Variants in POU6F1 observed in about 807,000 individuals in gnomAD.
The protein encoded by POU6F1 is POU class 6 homeobox 1.
Under a neutral mutation model 28.9 loss-of-function variants are expected in POU6F1, and 9 were observed. That is an observed-to-expected ratio of 0.31 (90% CI 0.19 to 0.54). The LOEUF (loss-of-function observed/expected upper bound fraction) is 0.54. POU6F1 is among the 20% of genes least tolerant of loss of function. POU6F1 has a pLI of 0.94. For synonymous variants in POU6F1, 173 were observed against 171.1 expected (o/e 1.01, Z -0.09); for missense variants, 338 against 426.1 (o/e 0.79, Z 1.82).
intron 10 of POU6F1, among the ~76,000 whole-genome samples, 194 bp downstream of exon 10, chr12:51,191,402 A>C (rs1243163897): frequency 6.6e-6 from 1 of 152,178 alleles, no homozygotes; most frequent in Non-Finnish European, 1.5e-5. Flanking sequence ...TCTTCAGAGG[A>C]CCTCAGAAGG....
At position 51,197,819 on chromosome 12, in the gene POU6F1, G is replaced by A. The variant is rs2137132154; in HGVS notation, c.797C>T (p.Pro266Leu). Residue 266 changes from proline to leucine, a missense_variant, in exon 6 of 11, where the codon CCC (proline) becomes CTC (leucine). This residue lies in a region of POU6F1 where 206 missense variants were observed against 225.6 expected (regional missense o/e 0.91). Coordinates refer to ENST00000333640, the MANE Select transcript of POU6F1 (RefSeq NM_001330422.2). ...TGCAGGCTGGACGGTGATCTGTGGG[G>A]GGGTGTCCACTGGCTTGGGGGTAGG... ...AAPTPKPVDT[P>L]PQITVQPAGF... is the part of the protein sequence containing the mutation. 2.5e-6 allele frequency: 1 copy of A among 401,280 alleles called. No homozygotes were observed. 24.9% of individuals were successfully genotyped at this position (401,280 alleles called of 1,614,324 possible). A position where few individuals can be genotyped will look rare whatever the true frequency, so the allele number is the denominator to read the frequency against.
chr12:51,194,684 C>G (rs1942693353), intron 8 of POU6F1, among the ~76,000 whole-genome samples: 1 of 151,170 alleles, frequency 6.6e-6, no homozygotes, highest in Non-Finnish European at 1.5e-5. Context: ...CATTTCCTTG[C>G]TAACGCCCTT....
rs1235944187 is a variant in POU6F1, at chr12:51,190,021, C to G, written c.*226G>C. On this transcript the variant is annotated 3_prime_UTR_variant, in exon 11 of 11. Transcript: ENST00000333640. The surrounding 1 kb of genome is among the most constrained non-coding windows in gnomAD (Gnocchi z 4.5). ...CACAAATCCTCTTCTTCGGAGTGAC[C>G]AGCCCAGAGCCTGGAGCTCTCGTGT... is the stretch of plus-strand genomic sequence containing the variant. 11 of 730,072 alleles carry G rather than the reference C, an allele frequency of 1.5e-5. No homozygotes were observed. The highest frequency in any genetic ancestry group is 2.1e-5 in the Non-Finnish European group (10 of 467,880). 45.2% of individuals were successfully genotyped at this position (730,072 alleles called of 1,614,324 possible). A position where few individuals can be genotyped will look rare whatever the true frequency, so the allele number is the denominator to read the frequency against.
intron 1 of POU6F1, among the ~76,000 whole-genome samples, chr12:51,208,364 A>G (rs1943765182): frequency 6.6e-6 from 1 of 152,184 alleles, no homozygotes; most frequent in Non-Finnish European, 1.5e-5. Context: ...TAAAGGAAAA[A>G]AAGCAATTGA....
Position 51,217,194 on chromosome 12 carries a change from G to C in POU6F1, c.-48+448C>G, listed in dbSNP as rs1015941433. ...GCCGCCCCAGCTGGCCCTAACCGCC[G>C]GGAACCCAGGCGTCCGTGTTCTCCA... On this transcript the variant is annotated intron_variant, in intron 1 of 10. Transcript: ENST00000333640. The surrounding 1 kb of genome is among the most constrained non-coding windows in gnomAD (Gnocchi z 5.3). Among the ~76,000 whole-genome samples the C allele has an allele frequency of 1.3e-5, 2 of 152,104 alleles. No individual in the cohort carries two copies. Among genetic ancestry groups the C allele is most frequent in the African/African-American group, 4.8e-5 (2 of 41,416 alleles).
chr12:51,214,976 A>G (rs899520179), intron 1 of POU6F1, among the ~76,000 whole-genome samples: 1 of 152,146 alleles, frequency 6.6e-6, no homozygotes, highest in Admixed American at 6.5e-5. Flanking sequence ...AAGAAAAAAA[A>G]AAGAAATGTG....
At chr12:51,194,342 T>A (rs1283385419) in intron 8 of POU6F1, among the ~76,000 whole-genome samples, 1 of 152,004 alleles carries the variant, frequency 6.6e-6, no homozygotes, top group Non-Finnish European at 1.5e-5. Flanking sequence ...CAGGGATTTT[T>A]AAAAAATGCA....
chr12:51,188,748 G>C lies in POU6F1; in HGVS notation c.*1499C>G, dbSNP rs574993994. The C allele has an allele frequency of 6.6e-6, 1 of 152,254 alleles. No homozygotes were observed. Among genetic ancestry groups the C allele is most frequent in the Non-Finnish European group, 1.5e-5 (1 of 68,070 alleles). 9.4% of individuals were successfully genotyped at this position (152,254 alleles called of 1,614,324 possible). A position where few individuals can be genotyped will look rare whatever the true frequency, so the allele number is the denominator to read the frequency against. On this transcript the variant is annotated 3_prime_UTR_variant, in exon 11 of 11. Coordinates refer to ENST00000333640, the MANE Select transcript of POU6F1 (RefSeq NM_001330422.2). ...CCTTCCCTCAGGGTGGATCATGGGA[G>C]GTCCACTGGAGGCAGCTGTTAGAGA...
At chr12:51,193,519 T>C (rs1042986329) in intron 8 of POU6F1, among the ~76,000 whole-genome samples, 1 of 151,960 alleles carries the variant, frequency 6.6e-6, no homozygotes, top group African/African-American at 2.4e-5. Flanking sequence ...GAGATTGCAG[T>C]AAGCCGAGAG....
rs147551365 is a variant in POU6F1 at position 51,195,776 on chromosome 12, G to A, written c.1179+194C>T. 7.7e-3 allele frequency among the ~76,000 whole-genome samples: 1,177 copies of A among 152,298 alleles called. 8 individuals carry two copies. Among genetic ancestry groups the A allele is most frequent in the Middle Eastern group, 0.02 (6 of 294 alleles). On this transcript the variant is annotated intron_variant, in intron 8 of 10. Transcript: ENST00000333640. ...TGGGTGCGTGTGAGTAGGGGGTCTC[G>A]TGGTGCTGTTTCCCTGGGCAGAACC...
chr12:51,189,666 G>T lies in POU6F1; in HGVS notation c.*581C>A, dbSNP rs896313424. On this transcript the variant is annotated 3_prime_UTR_variant, in exon 11 of 11. Coordinates refer to ENST00000333640, the MANE Select transcript of POU6F1 (RefSeq NM_001330422.2). ...ACCTTCTGACCTTGAGGTCAAGGCAGACATGGAGTCTGACCTTCTGAGCAG... is the reference window on the plus strand; with the variant it reads ...ACCTTCTGACCTTGAGGTCAAGGCATACATGGAGTCTGACCTTCTGAGCAG... 1 of 154,604 alleles carries T rather than the reference G, an allele frequency of 6.5e-6. No individual in the cohort carries two copies. The highest frequency in any genetic ancestry group is 2.4e-5 in the African/African-American group (1 of 41,478). 9.6% of individuals were successfully genotyped at this position (154,604 alleles called of 1,614,324 possible).
At chr12:51,209,601 AT>A (rs1312004974) in intron 1 of POU6F1, among the ~76,000 whole-genome samples, 5 of 152,124 alleles carry the variant, frequency 3.3e-5, no homozygotes, top group South Asian at 2.1e-4. Flanking sequence ...ATTGGGTATA[AT>A]TTTTTTTGAA....
intron 10 of POU6F1, among the ~76,000 whole-genome samples, chr12:51,191,087 T>C (rs1448399600): frequency 6.6e-6 from 1 of 152,192 alleles, no homozygotes; most frequent in East Asian, 1.9e-4. Flanking sequence ...ATGAAACCTT[T>C]TGGCCATCCC....
At chr12:51,206,457 ATAAG>A (rs1464416644) in intron 2 of POU6F1, among the ~76,000 whole-genome samples, 2 of 146,896 alleles carry the variant, frequency 1.4e-5, no homozygotes, top group African/African-American at 2.6e-5. Context: ...CAAAAAAGAT[ATAAG>A]TAATAGTAAT....
rs1942793907 is a variant in POU6F1 at position 51,195,994 on chromosome 12, T to C, written c.1155A>G (p.Thr385=). 1 of 1,322,752 alleles carries C rather than the reference T, an allele frequency of 7.6e-7. No homozygotes were observed. The highest frequency in any genetic ancestry group is 1.2e-5 in the South Asian group (1 of 86,112). The allele number at this position is 1,322,752 out of a possible 1,614,324, so 81.9% of individuals were successfully genotyped here. A position where few individuals can be genotyped will look rare whatever the true frequency, so the allele number is the denominator to read the frequency against. ...PPPVAVRKPS[T]PESPAKSEVQ... is the part of the protein sequence containing the mutation. ...CCTCACTCTTAGCAGGGGACTCAGGTGTGCTTGGCTTCCGGACAGCCACAG... is the reference window on the plus strand; with the variant it reads ...CCTCACTCTTAGCAGGGGACTCAGGCGTGCTTGGCTTCCGGACAGCCACAG... Residue 385 remains threonine (T), a synonymous_variant, in exon 8 of 11, where the codon ACA becomes ACG. Coordinates refer to ENST00000333640, the MANE Select transcript of POU6F1 (RefSeq NM_001330422.2).
At chr12:51,194,640 C>CAA (rs1166055503) in intron 8 of POU6F1, among the ~76,000 whole-genome samples, 2 of 77,136 alleles carry the variant, frequency 2.6e-5, no homozygotes, top group Non-Finnish European at 2.7e-5. Flanking sequence ...ACCCTGGTCT[C>CAA]AAAAAAAAAA....
intron 1 of POU6F1, among the ~76,000 whole-genome samples, chr12:51,210,471 C>T (rs1943920576): frequency 6.6e-6 from 1 of 152,180 alleles, no homozygotes; most frequent in Admixed American, 6.6e-5. Flanking sequence ...AACAAGGCAT[C>T]TGCTTGAGAG....
At chr12:51,192,769 G>A (rs1188948474) in intron 8 of POU6F1, among the ~76,000 whole-genome samples, 3 of 152,106 alleles carry the variant, frequency 2.0e-5, no homozygotes, top group Non-Finnish European at 2.9e-5. Flanking sequence ...GCTGGGCATG[G>A]TGGTGGGTGC....
intron 10 of POU6F1, 113 bp downstream of exon 10, chr12:51,191,483 G>T: frequency 7.8e-7 from 1 of 1,276,986 alleles, no homozygotes. Context: ...TCTGGAAAAA[G>T]GCTGGAGCAA....
Sources: allele counts gnomAD v4.1 joint callset (sites outside exome capture counted in the v4.1 genomes callset), GRCh38; gene constraint gnomAD v4.1.1; regional missense constraint gnomAD v4.1.1; non-coding constraint Gnocchi (gnomAD v3.1); transcripts MANE v1.5; gene names NCBI Gene and HGNC (gene_info 2026-07-23, HGNC 2026-07-21).